Variants in FGF14 observed in about 807,000 individuals in gnomAD.
FGF14 encodes fibroblast growth factor 14, also known as fibroblast growth factor homologous factor 4.
FGF14 carries 5 observed loss-of-function variants against 25.5 expected under a neutral mutation model. The observed-to-expected ratio is 0.20, with a 90% CI of 0.10 to 0.41. FGF14 has a LOEUF of 0.41. Among genes scored for constraint, FGF14 ranks in the 10% least tolerant of loss-of-function variants. The pLI is 1.00. For missense variants in FGF14, 222 were observed against 320.1 expected (o/e 0.69, Z 2.34); for synonymous variants, 138 against 118.3 (o/e 1.17, Z -1.08).
intron 1 of FGF14, among the ~76,000 whole-genome samples, chr13:102,312,526 T>C (rs1422622781): frequency 6.6e-6 from 1 of 152,166 alleles, no homozygotes; most frequent in Non-Finnish European, 1.5e-5. Context: ...CTGTATGTTT[T>C]ATAAAAAATC....
intron 1 of FGF14, among the ~76,000 whole-genome samples, chr13:102,287,546 A>G (rs2054167467): frequency 6.6e-6 from 1 of 152,210 alleles, no homozygotes; most frequent in South Asian, 2.1e-4. Flanking sequence ...TCAGACCAGA[A>G]TAGTACAGCA....
chr13:101,959,795 G>C (rs183241937), intron 1 of FGF14, among the ~76,000 whole-genome samples: 27 of 152,252 alleles, frequency 1.8e-4, no homozygotes, highest in Admixed American at 1.2e-3. Flanking sequence ...ACTCGCTATA[G>C]AAGCTCCATG....
chr13:101,797,934 C>T (rs2040646386), intron 3 of FGF14, among the ~76,000 whole-genome samples: 1 of 151,910 alleles, frequency 6.6e-6, no homozygotes, highest in African/African-American at 2.4e-5. Context: ...GACATAAAGA[C>T]AACAACAAAG....
chr13:102,154,924 A>G (rs1594180286), intron 1 of FGF14, among the ~76,000 whole-genome samples: 1 of 152,170 alleles, frequency 6.6e-6, no homozygotes, highest in East Asian at 1.9e-4. Context: ...GAAGGCCATT[A>G]CATAATGGTA....
chr13:101,995,247 T>C (rs185527066), intron 1 of FGF14, among the ~76,000 whole-genome samples: 35 of 152,228 alleles, frequency 2.3e-4, no homozygotes, highest in Admixed American at 2.0e-3. Flanking sequence ...TGCATGCGTA[T>C]GTTTTATGTG....
At chr13:101,758,949 C>T (rs958336539) in intron 3 of FGF14, among the ~76,000 whole-genome samples, 2 of 152,158 alleles carry the variant, frequency 1.3e-5, no homozygotes, top group Non-Finnish European at 2.9e-5. Flanking sequence ...GTTGCTTCTT[C>T]CATGAGAAAA....
intron 1 of FGF14, among the ~76,000 whole-genome samples, chr13:102,119,362 T>A (rs1432478495): frequency 1.3e-5 from 2 of 152,134 alleles, no homozygotes; most frequent in African/African-American, 2.4e-5. Context: ...GGGAGATTGT[T>A]CTAGATTGGG....
chr13:101,909,542 A>G (rs952289744), intron 1 of FGF14, among the ~76,000 whole-genome samples: 2 of 152,216 alleles, frequency 1.3e-5, no homozygotes, highest in Admixed American at 6.5e-5. Flanking sequence ...CCACAATGAG[A>G]TACCATCTCA....
chr13:102,120,207 C>CATTT (rs1354817120), intron 1 of FGF14, among the ~76,000 whole-genome samples: 1 of 151,914 alleles, frequency 6.6e-6, no homozygotes, highest in Admixed American at 6.6e-5. Flanking sequence ...CAAAGGCAGA[C>CATTT]AAATGTGAAC....
At chr13:102,125,231 T>A (rs2045903314) in intron 1 of FGF14, among the ~76,000 whole-genome samples, 1 of 152,200 alleles carries the variant, frequency 6.6e-6, no homozygotes, top group Non-Finnish European at 1.5e-5. Context: ...AGTTCTCCAA[T>A]TTGTTAGTCA....
chr13:102,175,185 C>T (rs1207615406), intron 1 of FGF14, among the ~76,000 whole-genome samples: 1 of 152,106 alleles, frequency 6.6e-6, no homozygotes, highest in African/African-American at 2.4e-5. Flanking sequence ...CATTATGTGA[C>T]TTTAAGTTAT....
At chr13:101,764,756 C>T (rs1421681989) in intron 3 of FGF14, among the ~76,000 whole-genome samples, 1 of 152,290 alleles carries the variant, frequency 6.6e-6, no homozygotes, top group South Asian at 2.1e-4. Flanking sequence ...GCAAGAGGTA[C>T]TGAAGTTAAG....
At chr13:101,880,516 G>A (rs2045646020) in intron 1 of FGF14, among the ~76,000 whole-genome samples, 2 of 152,170 alleles carry the variant, frequency 1.3e-5, no homozygotes, top group Admixed American at 6.5e-5. Flanking sequence ...GTGGTGAGCT[G>A]AGCGCACCAT....
intron 1 of FGF14, among the ~76,000 whole-genome samples, chr13:102,379,437 T>C (rs1421081386): frequency 2.6e-5 from 4 of 151,642 alleles, no homozygotes; most frequent in South Asian, 2.1e-4. Context: ...CACATATTTA[T>C]ATATATGTGT....
intron 1 of FGF14, among the ~76,000 whole-genome samples, chr13:101,969,573 T>G (rs992958265): frequency 6.6e-6 from 1 of 152,190 alleles, no homozygotes; most frequent in African/African-American, 2.4e-5. Context: ...ATCAATAGCC[T>G]TGTGGTCTCC....
intron 1 of FGF14, among the ~76,000 whole-genome samples, chr13:102,228,314 C>T (rs4772454): frequency 1.0e-3 from 152 of 152,240 alleles, no homozygotes; most frequent in Non-Finnish European, 1.8e-3. Flanking sequence ...TAGGGGGTGC[C>T]ATTTAGGAAA....
intron 3 of FGF14, among the ~76,000 whole-genome samples, chr13:101,758,828 G>C (rs1008983283): frequency 6.6e-6 from 1 of 152,080 alleles, no homozygotes; most frequent in Admixed American, 6.5e-5. Flanking sequence ...CAGCAGTTCT[G>C]GGTTGAGGGA....
rs2034786684 is a variant in FGF14, at chr13:101,717,897, T to G, written c.*4934A>C. The G allele has an allele frequency of 6.6e-6, 1 of 152,136 alleles. No homozygotes were observed. Among genetic ancestry groups the G allele is most frequent in the Non-Finnish European group, 1.5e-5 (1 of 68,020 alleles). 9.4% of individuals were successfully genotyped at this position (152,136 alleles called of 1,614,324 possible). A position where few individuals can be genotyped will look rare whatever the true frequency, so the allele number is the denominator to read the frequency against. On this transcript the variant is annotated 3_prime_UTR_variant, in exon 5 of 5. Transcript: ENST00000376143. ...CTCTGTATGTTATTATCCTTTTTAT[T>G]AACAACAACAACTACAACAAAAGTG...
chr13:102,246,008 G>C (rs959461694), intron 1 of FGF14, among the ~76,000 whole-genome samples: 3 of 151,970 alleles, frequency 2.0e-5, no homozygotes, highest in African/African-American at 7.2e-5. Context: ...CATTACCAAT[G>C]TTTTGTTTCA....
Sources: gnomAD v4.1 joint callset for allele counts (sites outside exome capture counted in the v4.1 genomes callset) on GRCh38, gnomAD v4.1.1 for gene constraint, MANE v1.5 for transcripts, NCBI Gene and HGNC (gene_info 2026-07-23, HGNC 2026-07-21) for gene names.